The following TCF4 variants were observed in gnomAD, a reference collection of about 807,000 sequenced individuals.
TCF4 encodes the protein transcription factor 4.
In TCF4, 3 loss-of-function variants were observed where a neutral mutation model predicts 82.1. The observed-to-expected ratio is 0.04, with a 90% confidence interval of 0.02 to 0.09. The LOEUF (loss-of-function observed/expected upper bound fraction) is 0.09. Among genes scored for constraint, TCF4 ranks in the 10% least tolerant of loss-of-function variants. TCF4 has a pLI of 1.00. For synonymous variants in TCF4, 276 were observed against 309.6 expected (o/e 0.89, Z 1.14); for missense variants, 518 against 852.7 (o/e 0.61, Z 4.89).
chr18:55,378,211 C>T (rs2091220199), intron 6 of TCF4, among the ~76,000 whole-genome samples: 1 of 152,166 alleles, frequency 6.6e-6, no homozygotes, highest in Non-Finnish European at 1.5e-5. Flanking sequence ...GAAACAACGA[C>T]CTCTTCAAAG....
At chr18:55,379,550 A>T (rs2091514200) in intron 6 of TCF4, among the ~76,000 whole-genome samples, 1 of 152,198 alleles carries the variant, frequency 6.6e-6, no homozygotes, top group South Asian at 2.1e-4. Context: ...ACCAGGAAGA[A>T]GAGGAGGGAG....
At chr18:55,257,107 G>T (rs2057026809) in intron 14 of TCF4, among the ~76,000 whole-genome samples, 1 of 152,110 alleles carries the variant, frequency 6.6e-6, no homozygotes, top group Admixed American at 6.6e-5. Flanking sequence ...TTAGAGCCCT[G>T]GGGCTGCCAT....
intron 10 of TCF4, among the ~76,000 whole-genome samples, chr18:55,273,368 T>TTTC (rs2060796598): frequency 6.6e-6 from 1 of 152,188 alleles, no homozygotes; most frequent in Non-Finnish European, 1.5e-5. Flanking sequence ...CGCTTAGCTT[T>TTTC]TTCTTAAACT....
chr18:55,274,047 G>A (rs1031804835), intron 10 of TCF4, among the ~76,000 whole-genome samples: 5 of 152,006 alleles, frequency 3.3e-5, no homozygotes, highest in African/African-American at 1.2e-4. Context: ...TCCAACATGC[G>A]GTATAGTGCC....
chr18:55,246,322 C>T (rs530086438), intron 15 of TCF4, among the ~76,000 whole-genome samples: 71 of 151,462 alleles, frequency 4.7e-4, no homozygotes, highest in Non-Finnish European at 8.0e-4. Context: ...ATTTAAAATT[C>T]ATGGCTCCAA....
intron 3 of TCF4, among the ~76,000 whole-genome samples, chr18:55,543,080 C>T (rs993849860): frequency 9.9e-5 from 15 of 152,038 alleles, no homozygotes; most frequent in African/African-American, 3.6e-4. Flanking sequence ...TGTTTGGACA[C>T]AACCATTCTA....
At chr18:55,539,769 G>C (rs890352330) in intron 3 of TCF4, among the ~76,000 whole-genome samples, 1 of 152,052 alleles carries the variant, frequency 6.6e-6, no homozygotes, top group African/African-American at 2.4e-5. Context: ...GAAAAGATAA[G>C]TTTGAATGGG....
chr18:55,576,918 ATTC>A (rs1471879700), intron 3 of TCF4, among the ~76,000 whole-genome samples: 5 of 151,710 alleles, frequency 3.3e-5, no homozygotes, highest in Admixed American at 2.6e-4. Flanking sequence ...GCCCAAGATG[ATTC>A]TTCTTCTTCC....
intron 17 of TCF4, chr18:55,231,255 C>T (rs2047840091): frequency 6.6e-6 from 1 of 152,208 alleles, no homozygotes; most frequent in Non-Finnish European, 1.5e-5. Context: ...ATACATCCAA[C>T]AAATGCTACA....
chr18:55,422,584 A>G, intron 5 of TCF4: 1 of 477,992 alleles, frequency 2.1e-6, no homozygotes, highest in Non-Finnish European at 2.7e-6. Flanking sequence ...AGAGTTAAAG[A>G]CTCCCTACCA....
In TCF4 at chr18:55,391,210, A is replaced by G. The variant is rs181529103; in HGVS notation, c.369+12244T>C. Among the ~76,000 whole-genome samples, 63 of 152,342 alleles carry G rather than the reference A, an allele frequency of 4.1e-4. 1 individual carries two copies. In the East Asian group the frequency reaches 0.011, roughly 27 times the overall value. On this transcript the variant is annotated intron_variant, in intron 6 of 19. Transcript: ENST00000354452. ...GCTCAGTGTGACAAACACAATTCACAGTTCAAATGTAATAGATAATATATA... is the reference window on the plus strand; with the variant it reads ...GCTCAGTGTGACAAACACAATTCACGGTTCAAATGTAATAGATAATATATA...
intron 8 of TCF4, among the ~76,000 whole-genome samples, chr18:55,298,444 C>T (rs539401018): frequency 1.3e-5 from 2 of 152,324 alleles, no homozygotes; most frequent in African/African-American, 2.4e-5. Flanking sequence ...GACAGGCTCA[C>T]AACCCATATA....
At chr18:55,372,657 A>C (rs1448597992) in intron 6 of TCF4, among the ~76,000 whole-genome samples, 2 of 144,448 alleles carry the variant, frequency 1.4e-5, no homozygotes, top group African/African-American at 2.9e-5. Context: ...AAATCAACCC[A>C]AAAAAACCCA....
rs1417623412 is a variant in TCF4, at chr18:55,224,601, C to T, written c.*3434G>A. ...CCAAGTCTTGGTTCGACTCCCTCCC[C>T]ACTCCCCAACCCCTCATCAAAATCA... On this transcript the variant is annotated 3_prime_UTR_variant, in exon 20 of 20. Transcript: ENST00000354452. 6.6e-6 allele frequency: 1 copy of T among 152,138 alleles called. No individual in the cohort carries two copies. The highest frequency in any genetic ancestry group is 1.5e-5 in the Non-Finnish European group (1 of 67,988). The allele number at this position is 152,138 out of a possible 1,614,324, so 9.4% of individuals were successfully genotyped here. A position where few individuals can be genotyped will look rare whatever the true frequency, so the allele number is the denominator to read the frequency against.
chr18:55,270,450 T>C (rs1446421810), intron 10 of TCF4, among the ~76,000 whole-genome samples: 1 of 152,130 alleles, frequency 6.6e-6, no homozygotes, highest in Admixed American at 6.6e-5. Context: ...CCTCCCAAAT[T>C]AAATTTTTTT....
intron 3 of TCF4, among the ~76,000 whole-genome samples, chr18:55,569,816 A>T (rs182435907): frequency 1.2e-4 from 18 of 152,280 alleles, no homozygotes; most frequent in Admixed American, 1.2e-3. Flanking sequence ...TTAAATGCAT[A>T]ATAATTCTCC....
At chr18:55,499,328 T>A (rs1269554349) in intron 3 of TCF4, among the ~76,000 whole-genome samples, 1 of 152,160 alleles carries the variant, frequency 6.6e-6, no homozygotes, top group African/African-American at 2.4e-5. Context: ...TGATACAACG[T>A]GAGAGCCTAG....
intron 6 of TCF4, among the ~76,000 whole-genome samples, chr18:55,399,065 C>T (rs1010298215): frequency 2.6e-5 from 4 of 152,086 alleles, no homozygotes; most frequent in Non-Finnish European, 2.9e-5. Flanking sequence ...TTGCCAATTT[C>T]GTAATAAACA....
intron 3 of TCF4, among the ~76,000 whole-genome samples, chr18:55,524,009 G>T (rs183718745): frequency 6.6e-6 from 1 of 151,980 alleles, no homozygotes; most frequent in Admixed American, 6.6e-5. Context: ...AATTTAGAAG[G>T]TATTGCCGAA....
Sources: allele counts gnomAD v4.1 joint callset (sites outside exome capture counted in the v4.1 genomes callset), GRCh38; gene constraint gnomAD v4.1.1; transcripts MANE v1.5; gene names NCBI Gene and HGNC (gene_info 2026-07-23, HGNC 2026-07-21).